Variants in ERI1 observed in about 807,000 individuals in gnomAD.
ERI1 encodes the protein exoribonuclease 1, also known as 3'-5' exoribonuclease 1.
Under a neutral mutation model 39.7 loss-of-function variants are expected in ERI1, and 39 were observed. The observed-to-expected ratio is 0.98, with a 90% CI of 0.76 to 1.28. The LOEUF (loss-of-function observed/expected upper bound fraction) is 1.28. ERI1 is among the 50% of genes most tolerant of loss of function. The pLI is 0.00. For synonymous variants in ERI1, 204 were observed against 149.6 expected, an observed-to-expected ratio of 1.36 and a Z score of -2.65; for missense variants, 581 against 416.9, an observed-to-expected ratio of 1.39 and a Z score of -3.43.
chr8:9,041,926 G>C (rs1563351389), intron 3 of ERI1, among the ~76,000 whole-genome samples: 1 of 152,140 alleles, frequency 6.6e-6, no homozygotes, highest in Non-Finnish European at 1.5e-5. Flanking sequence ...TAGAGACGTG[G>C]TTTCACCATG....
intron 3 of ERI1, among the ~76,000 whole-genome samples, chr8:9,051,998 G>A (rs1563358572): frequency 1.3e-5 from 2 of 152,202 alleles, no homozygotes; most frequent in Non-Finnish European, 1.5e-5. Context: ...TCTGTTAAAC[G>A]GGGGCATGCC....
At chr8:9,051,444 G>A (rs570704808) in intron 3 of ERI1, among the ~76,000 whole-genome samples, 1 of 152,194 alleles carries the variant, frequency 6.6e-6, no homozygotes, top group Admixed American at 6.5e-5. Context: ...ATCCCTTGAG[G>A]TCAGGAGTTC....
intron 3 of ERI1, among the ~76,000 whole-genome samples, chr8:9,015,378 A>G (rs1028417594): frequency 1.9e-4 from 29 of 152,114 alleles, no homozygotes; most frequent in Admixed American, 1.9e-3. Flanking sequence ...TTAATCTCAA[A>G]ATTGACTCAG....
chr8:9,097,661 T>C (rs1299425357), intron 3 of ERI1, among the ~76,000 whole-genome samples: 2 of 126,718 alleles, frequency 1.6e-5, no homozygotes, highest in Admixed American at 1.6e-4. Flanking sequence ...AGAATGACAC[T>C]CTGTCAAAAA....
At chr8:9,065,541 A>C (rs996917325) in intron 3 of ERI1, among the ~76,000 whole-genome samples, 16 of 151,930 alleles carry the variant, frequency 1.1e-4, no homozygotes, top group African/African-American at 3.6e-4. Flanking sequence ...TAAAAATACA[A>C]AAAATTAGCC....
intron 3 of ERI1, among the ~76,000 whole-genome samples, chr8:9,075,525 C>T (rs1799183678): frequency 6.8e-6 from 1 of 146,930 alleles, no homozygotes. Context: ...TCATTATGAA[C>T]ACGGTCTTTA....
At position 9,011,534 on chromosome 8, in the gene ERI1, C is replaced by G; in HGVS notation, c.288-8C>G. ...CCTAAGTGTAACTAGTCTTCTTCTT[C>G]TACTTAGAGGAGTAAAGGATGTTCT... On this transcript the variant is annotated splice_polypyrimidine_tract_variant and splice_region_variant and intron_variant, in intron 2 of 6. Coordinates refer to ENST00000250263, the MANE Select transcript of ERI1 (RefSeq NM_153332.4). 6.4e-7 allele frequency: 1 copy of G among 1,561,064 alleles called. No homozygotes were observed. The highest frequency in any genetic ancestry group is 8.7e-7 in the Non-Finnish European group (1 of 1,146,966).
intron 6 of ERI1, among the ~76,000 whole-genome samples, chr8:9,021,920 T>C (rs1817951286): frequency 6.6e-6 from 1 of 152,204 alleles, no homozygotes; most frequent in African/African-American, 2.4e-5. Context: ...ATTTGGATTG[T>C]TTTTATTTGG....
rs994330525 is a variant in ERI1 at position 9,030,711 on chromosome 8, C to G, written c.*677C>G. 1.3e-5 allele frequency: 2 copies of G among 152,208 alleles called. No individual in the cohort carries two copies. Among genetic ancestry groups the G allele is most frequent in the Non-Finnish European group, 2.9e-5 (2 of 68,026 alleles). The allele number at this position is 152,208 out of a possible 1,614,324, so 9.4% of individuals were successfully genotyped here. ...ATCATAAGGGCTGTAGCTCAAACTT[C>G]ATAATACATAAATCACTGGGGTCTT... On this transcript the variant is annotated 3_prime_UTR_variant, in exon 7 of 7. Transcript: ENST00000250263.
intron 3 of ERI1, among the ~76,000 whole-genome samples, chr8:9,075,078 C>T (rs1011881462): frequency 4.6e-5 from 7 of 152,190 alleles, no homozygotes; most frequent in African/African-American, 1.7e-4. Flanking sequence ...ATTCCCTGTT[C>T]GGTGATGAAA....
In ERI1 at chr8:9,008,163, C is replaced by G. The variant is rs1432037593; in HGVS notation, c.287+15C>G. 1.3e-6 allele frequency: 2 copies of G among 1,535,226 alleles called. No homozygotes were observed. Among genetic ancestry groups the G allele is most frequent in the African/African-American group, 1.4e-5 (1 of 70,742 alleles). ...CTTGAAACTAGGTAATTAAAAATAACTTATAAAATTATAAAAGTAGTACAT... is the reference window on the plus strand; with the variant it reads ...CTTGAAACTAGGTAATTAAAAATAAGTTATAAAATTATAAAAGTAGTACAT... On this transcript the variant is annotated intron_variant, in intron 2 of 6. Transcript: ENST00000250263.
At chr8:9,042,605 A>G (rs1296934425) in intron 3 of ERI1, among the ~76,000 whole-genome samples, 2 of 152,096 alleles carry the variant, frequency 1.3e-5, no homozygotes, top group African/African-American at 2.4e-5. Flanking sequence ...GTGGCCCTGG[A>G]GGAAGCCTAG....
At chr8:9,034,009 A>T (rs1227180879), downstream of ERI1, among the ~76,000 whole-genome samples, 2 of 152,228 alleles carry the variant, frequency 1.3e-5, no homozygotes, top group Non-Finnish European at 2.9e-5. Context: ...GGAGATGGGG[A>T]TAAGTGGAGA....
intron 6 of ERI1, among the ~76,000 whole-genome samples, chr8:9,021,884 G>T (rs1428914112): frequency 7.1e-6 from 1 of 141,814 alleles, no homozygotes; most frequent in South Asian, 2.3e-4. Flanking sequence ...TACCAGATTT[G>T]TTTATCTGTT....
At chr8:9,071,426 A>G (rs1195490525) in intron 3 of ERI1, among the ~76,000 whole-genome samples, 1 of 152,242 alleles carries the variant, frequency 6.6e-6, no homozygotes, top group South Asian at 2.1e-4. Context: ...AAAAGCAACA[A>G]GTATTTAAGT....
intron 3 of ERI1, among the ~76,000 whole-genome samples, chr8:9,060,030 G>A (rs965778507): frequency 6.6e-6 from 1 of 152,200 alleles, no homozygotes; most frequent in Non-Finnish European, 1.5e-5. Context: ...AGTGGTAAAA[G>A]TATTGTCCAG....
downstream of ERI1, among the ~76,000 whole-genome samples, chr8:9,037,826 T>C (rs1284921312): frequency 3.4e-4 from 51 of 149,866 alleles, no homozygotes; most frequent in Non-Finnish European, 1.5e-5. Context: ...TCCCCCTAGG[T>C]GCCAGGAAAA....
chr8:9,011,801 G>T, intron 3 of ERI1, 49 bp downstream of exon 3: 2 of 1,383,504 alleles, frequency 1.4e-6, no homozygotes, highest in Non-Finnish European at 2.0e-6. Context: ...CAACTATTCT[G>T]GTGTTTACTG....
At chr8:9,095,012 A>C (rs1013265970) in intron 3 of ERI1, among the ~76,000 whole-genome samples, 1 of 152,202 alleles carries the variant, frequency 6.6e-6, no homozygotes, top group African/African-American at 2.4e-5. Flanking sequence ...CTTTGGAGCC[A>C]GAAGGTGGGA....
Sources: gnomAD v4.1 joint callset for allele counts (sites outside exome capture counted in the v4.1 genomes callset) on GRCh38, gnomAD v4.1.1 for gene constraint, MANE v1.5 for transcripts, NCBI Gene and HGNC (gene_info 2026-07-23, HGNC 2026-07-21) for gene names.